NAV1: variants seen among roughly 807,000 people sequenced by gnomAD.
The protein encoded by NAV1 is pore membrane and/or filament interacting like protein 3.
A neutral mutation model predicts 175.2 loss-of-function variants in NAV1; 18 were observed. The ratio of observed to expected loss-of-function variants is 0.10; its 90% confidence interval spans 0.07 to 0.15. The LOEUF (loss-of-function observed/expected upper bound fraction) is 0.15. NAV1 is among the 10% of genes least tolerant of loss of function. The probability of loss-of-function intolerance (pLI) is 1.00; values close to 1 mark genes in which losing one functional copy is unlikely to be tolerated. For synonymous variants in NAV1, 897 were observed against 978.7 expected, an observed-to-expected ratio of 0.92 and a Z score of 1.56; for missense variants, 1,731 against 2,436.6, an observed-to-expected ratio of 0.71 and a Z score of 6.10.
rs186924398 is a variant in NAV1, at chr1:201,814,473, G to T, written c.5340+1215G>T. Among the ~76,000 whole-genome samples the T allele has an allele frequency of 1.5e-3, 230 of 152,196 alleles. 2 individuals carry two copies. The highest frequency in any genetic ancestry group is 2.8e-3 in the Non-Finnish European group (188 of 68,004). On this transcript the variant is annotated intron_variant, in intron 28 of 29. Coordinates refer to ENST00000367296, the Ensembl canonical transcript of NAV1. ...TCAGTTTTCTTACCTGTAAATTAGGGTATGATGATCACTAAAGTCCATTCC... is the reference window on the plus strand; with the variant it reads ...TCAGTTTTCTTACCTGTAAATTAGGTTATGATGATCACTAAAGTCCATTCC...
At chr1:201,703,890 G>C (rs1671551838) in intron 1 of NAV1, among the ~76,000 whole-genome samples, 1 of 152,238 alleles carries the variant, frequency 6.6e-6, no homozygotes. Flanking sequence ...TCATCAGGCA[G>C]CTCCCAGCCT....
In NAV1 at chr1:201,740,095, CT is replaced by C; in HGVS notation, c.1226+21341del. 1 of 1,439,748 alleles carries C rather than the reference CT, an allele frequency of 6.9e-7. No homozygotes were observed. The highest frequency in any genetic ancestry group is 1.5e-5 in the South Asian group (1 of 65,906). The allele number at this position is 1,439,748 out of a possible 1,614,324, so 89.2% of individuals were successfully genotyped here. Reference sequence around the variant, plus strand: ...CCCGCAGGTAAGCGCCCCCACCCCCCTGGCCTCACCGCCAGACCGCAGAGCT... The same window carrying C: ...CCCGCAGGTAAGCGCCCCCACCCCCCGGCCTCACCGCCAGACCGCAGAGCT... On this transcript the variant is annotated intron_variant, in intron 3 of 29. Transcript: ENST00000367296. The surrounding 1 kb of genome is among the most constrained non-coding windows in gnomAD (Gnocchi z 4.7).
At chr1:201,756,366 T>TC (rs1674464563) in intron 3 of NAV1, among the ~76,000 whole-genome samples, 1 of 152,198 alleles carries the variant, frequency 6.6e-6, no homozygotes, top group Non-Finnish European at 1.5e-5. Context: ...AAAGCTTAGT[T>TC]CCCTGAATGC....
intron 1 of NAV1, among the ~76,000 whole-genome samples, chr1:201,577,092 A>G (rs1666712243): frequency 6.6e-6 from 1 of 152,106 alleles, no homozygotes; most frequent in Non-Finnish European, 1.5e-5. Flanking sequence ...GCCTCAAGCA[A>G]TCCTCCCATC....
intron 3 of NAV1, among the ~76,000 whole-genome samples, chr1:201,746,281 A>C (rs1276547456): frequency 3.9e-5 from 6 of 152,226 alleles, no homozygotes; most frequent in Non-Finnish European, 7.3e-5. Flanking sequence ...GACAAAAAAT[A>C]GCTGATAGGA....
exon 1 of NAV1, chr1:201,648,952 C>G (rs1377624601): frequency 6.2e-7 from 1 of 1,613,108 alleles, no homozygotes; most frequent in Non-Finnish European, 8.5e-7. Context: ...ACCAACCTCT[C>G]TTTTCTCACG....
Position 201,694,673 on chromosome 1 carries a change from G to A in NAV1, c.758-18144G>A, listed in dbSNP as rs1323903356. 6.6e-6 allele frequency among the ~76,000 whole-genome samples: 1 copy of A among 152,210 alleles called. No individual in the cohort carries two copies. Among genetic ancestry groups the A allele is most frequent in the Non-Finnish European group, 1.5e-5 (1 of 68,030 alleles). On this transcript the variant is annotated intron_variant, in intron 1 of 29. Coordinates refer to ENST00000367296, the Ensembl canonical transcript of NAV1. The surrounding 1 kb of genome is among the most constrained non-coding windows in gnomAD (Gnocchi z 4.2). ...AACCGGGAGCCGTAAATAGCCAGGAGCCTGTGTTCTCTGGGCTCTGTGTTC... is the reference window on the plus strand; with the variant it reads ...AACCGGGAGCCGTAAATAGCCAGGAACCTGTGTTCTCTGGGCTCTGTGTTC...
chr1:201,540,598 A>G (rs993681376), intron 1 of NAV1, among the ~76,000 whole-genome samples: 1 of 152,214 alleles, frequency 6.6e-6, no homozygotes, highest in African/African-American at 2.4e-5. Context: ...GGCCAGAGAT[A>G]TATATGATTC....
At chr1:201,806,731 A>G (rs1244536977) in intron 17 of NAV1, among the ~76,000 whole-genome samples, 1 of 152,196 alleles carries the variant, frequency 6.6e-6, no homozygotes, top group East Asian at 1.9e-4. Context: ...CTGACTGCTC[A>G]GTGATAAGAA....
chr1:201,743,604 T>G (rs189407336), intron 3 of NAV1, among the ~76,000 whole-genome samples: 142 of 152,328 alleles, frequency 9.3e-4, no homozygotes, highest in African/African-American at 3.3e-3. Flanking sequence ...TATGACCACG[T>G]GAAGTCATTC....
chr1:201,607,115 C>CTTT (rs914962230), intron 2 of NAV1, among the ~76,000 whole-genome samples: 9 of 130,294 alleles, frequency 6.9e-5, no homozygotes, highest in Admixed American at 2.4e-4. Context: ...TAATTTTTTT[C>CTTT]TTTTTTTTTT....
In NAV1 at chr1:201,563,063, T is replaced by C. The variant is rs143856704; in HGVS notation, c.-144+23721T>C. On this transcript the variant is annotated intron_variant, in intron 1 of 33. Coordinates refer to the NAV1 transcript ENST00000685211. ...ATTTAGAGTGGCCTGAGCCTCCCAA[T>C]TGAAATATCCTGGCCTTTTGTCAAG... 6.2e-3 allele frequency among the ~76,000 whole-genome samples: 950 copies of C among 152,248 alleles called. 7 individuals carry two copies. Among genetic ancestry groups the C allele is most frequent in the African/African-American group, 0.022 (896 of 41,560 alleles).
chr1:201,808,669 G>A lies in NAV1; in HGVS notation c.4039-34G>A. On this transcript the variant is annotated intron_variant, in intron 19 of 29. Coordinates refer to ENST00000367296, the Ensembl canonical transcript of NAV1. The surrounding 1 kb of genome is among the most constrained non-coding windows in gnomAD (Gnocchi z 5.5). ...AAGACCAAGGCTTGCTGTCTGTCCAGTCTGCCACCCTACCCTGTCTGTTCT... is the reference window on the plus strand; with the variant it reads ...AAGACCAAGGCTTGCTGTCTGTCCAATCTGCCACCCTACCCTGTCTGTTCT... 6.2e-7 allele frequency: 1 copy of A among 1,614,238 alleles called. No individual in the cohort carries two copies. The highest frequency in any genetic ancestry group is 8.5e-7 in the Non-Finnish European group (1 of 1,180,038).
chr1:201,799,086 A>C (rs1184500696), intron 15 of NAV1, among the ~76,000 whole-genome samples: 2 of 152,156 alleles, frequency 1.3e-5, no homozygotes, highest in Non-Finnish European at 2.9e-5. Context: ...AAAAAAAAGA[A>C]AAAAAGAAAA....
Position 201,803,544 on chromosome 1 carries a change from A to G in NAV1, c.3518-49A>G, listed in dbSNP as rs372433411. 5 of 1,581,124 alleles carry G rather than the reference A, an allele frequency of 3.2e-6. No homozygotes were observed. The African/African-American group carries it at 4.1e-5, about 13-fold the overall frequency. ...CCACTAGACTTGCCTGAAGTCTCAC[A>G]TCCTCTCTAAATCTGTTCTATGTTT... On this transcript the variant is annotated intron_variant, in intron 15 of 29. Transcript: ENST00000367296.
At chr1:201,647,534 G>A (rs1251058773), upstream of NAV1, among the ~76,000 whole-genome samples, 1 of 152,056 alleles carries the variant, frequency 6.6e-6, no homozygotes, top group Non-Finnish European at 1.5e-5. Flanking sequence ...ATTGCTAATT[G>A]GAATAGAAAC....
exon 1 of NAV1, chr1:201,649,367 C>G (rs760520555): frequency 6.8e-6 from 11 of 1,606,826 alleles, no homozygotes; most frequent in Non-Finnish European, 8.5e-6. Context: ...AGGTGGACCC[C>G]GAGCTGGTGG....
rs1407345127 is a variant in NAV1 at position 201,740,561 on chromosome 1, G to A, written c.1226+21806G>A. Among the ~76,000 whole-genome samples, 2 of 152,162 alleles carry A rather than the reference G, an allele frequency of 1.3e-5. No individual in the cohort carries two copies. Among genetic ancestry groups the A allele is most frequent in the Non-Finnish European group, 2.9e-5 (2 of 68,008 alleles). ...CACCCTAGTTCCGGAAGCTCCGGGG[G>A]TCGTCCTGGGGTGAAAGGAGGTGGT... On this transcript the variant is annotated intron_variant, in intron 3 of 29. Coordinates refer to ENST00000367296, the Ensembl canonical transcript of NAV1. This position sits in a 1 kb window ranked among gnomAD's most constrained non-coding sequence, Gnocchi z 4.7.
chr1:201,642,698 CTCTCTT>C lies in NAV1; in HGVS notation c.5-5932_5-5927del, dbSNP rs920403627. 2.8e-3 allele frequency among the ~76,000 whole-genome samples: 402 copies of C among 142,492 alleles called. 2 individuals carry two copies. The highest frequency in any genetic ancestry group is 9.9e-3 in the African/African-American group (367 of 37,136). The allele number at this position is 142,492 out of a possible 152,430, so 93.5% of individuals were successfully genotyped here. A position where few individuals can be genotyped will look rare whatever the true frequency, so the allele number is the denominator to read the frequency against. Reference sequence around the variant, plus strand: ...TCCCTCTCTTTCTTCCCTTTCTTCTCTCTCTTTCTTTCTTTCTTTCTTCCCTTCCTT... The same window carrying C: ...TCCCTCTCTTTCTTCCCTTTCTTCTCTCTTTCTTTCTTTCTTCCCTTCCTT... On this transcript the variant is annotated intron_variant, in intron 2 of 29. Transcript: ENST00000367302.
Sources: gnomAD v4.1 joint callset for allele counts (sites outside exome capture counted in the v4.1 genomes callset) on GRCh38, gnomAD v4.1.1 for gene constraint, Gnocchi (gnomAD v3.1) non-coding constraint, MANE v1.5 for transcripts, NCBI Gene and HGNC (gene_info 2026-07-23, HGNC 2026-07-21) for gene names.